Variants in SYCE3 observed in about 807,000 individuals in gnomAD.
SYCE3 encodes synaptonemal complex central element protein 3.
A neutral mutation model predicts 8.1 loss-of-function variants in SYCE3; 3 were observed. The ratio of observed to expected loss-of-function variants is 0.37; its 90% CI spans 0.17 to 0.96. The LOEUF (loss-of-function observed/expected upper bound fraction) is 0.96. Among genes scored for constraint, SYCE3 ranks in the 40% least tolerant of loss-of-function variants. SYCE3 has a pLI of 0.41. For synonymous variants in SYCE3, 36 were observed against 38.7 expected (o/e 0.93, Z 0.26); for missense variants, 83 against 110.0 (o/e 0.75, Z 1.10).
chr22:50,559,599 C>T (rs1253967400), intron 1 of SYCE3, among the ~76,000 whole-genome samples: 1 of 152,144 alleles, frequency 6.6e-6, no homozygotes, highest in Non-Finnish European at 1.5e-5. Flanking sequence ...TGCAAAACTC[C>T]AGGTAAGGAA....
intron 1 of SYCE3, among the ~76,000 whole-genome samples, chr22:50,559,851 C>A (rs1038423162): frequency 6.6e-6 from 1 of 152,124 alleles, no homozygotes; most frequent in African/African-American, 2.4e-5. Flanking sequence ...TCCCTTGAAC[C>A]CAGAAGGTGG....
intron 2 of SYCE3, among the ~76,000 whole-genome samples, chr22:50,552,698 CAT>C (rs1364614591): frequency 3.9e-5 from 6 of 152,276 alleles, no homozygotes; most frequent in African/African-American, 9.6e-5. Context: ...GCCTGGCACA[CAT>C]GTTATGGACT....
Position 50,556,295 on chromosome 22 carries a change from A to T in SYCE3, c.109+2T>A. On this transcript the variant is annotated splice_donor_variant, in intron 2 of 2. Coordinates refer to ENST00000406915, the MANE Select transcript of SYCE3 (RefSeq NM_001123225.3). LOFTEE classifies it high-confidence loss of function. ...AGATACTTTTGGGTTCACACATCCT[A>T]CCTGAGATTTTCTCCATCTCTTCTA... The T allele has an allele frequency of 6.5e-7, 1 of 1,547,688 alleles. No individual in the cohort carries two copies.
chr22:50,560,931 C>T (rs953441670), intron 1 of SYCE3, among the ~76,000 whole-genome samples: 4 of 152,160 alleles, frequency 2.6e-5, no homozygotes, highest in African/African-American at 9.7e-5. Flanking sequence ...TGAAAAGTTT[C>T]TTCTTGTAAC....
intron 2 of SYCE3, among the ~76,000 whole-genome samples, chr22:50,553,766 A>G (rs2069832306): frequency 6.6e-6 from 1 of 152,138 alleles, no homozygotes; most frequent in South Asian, 2.1e-4. Flanking sequence ...TATTTTTATT[A>G]GAGATGGAGT....
At chr22:50,555,266 G>A (rs560131701) in intron 2 of SYCE3, among the ~76,000 whole-genome samples, 2 of 152,272 alleles carry the variant, frequency 1.3e-5, no homozygotes, top group East Asian at 1.9e-4. Context: ...ACGTGTCTCA[G>A]CTATTCATAG....
chr22:50,551,427 C>A, intron 2 of SYCE3, 25 bp from the exon 3 acceptor site: 1 of 1,539,316 alleles, frequency 6.5e-7, no homozygotes, highest in Non-Finnish European at 8.8e-7. Context: ...CAGGACTGGT[C>A]AGGCCACAGG....
At chr22:50,552,328 C>T (rs752086248) in intron 2 of SYCE3, among the ~76,000 whole-genome samples, 6 of 152,174 alleles carry the variant, frequency 3.9e-5, no homozygotes, top group Non-Finnish European at 1.5e-5. Flanking sequence ...CCCCACCTGA[C>T]GACTCTGTGA....
rs781292666 is a variant in SYCE3 at position 50,551,333 on chromosome 22, C to T, written c.179G>A (p.Arg60His). Residue 60 changes from arginine (R) to histidine (H), a missense_variant, in exon 3 of 3, where the codon CGT becomes CAT. Coordinates refer to ENST00000406915, the MANE Select transcript of SYCE3 (RefSeq NM_001123225.3). ...GTTGACGAAGGCATCCTCCAGCCGA[C>T]GCATGGACTCGGCCAGCGTAGGGTT... ...RTNPTLAESM[R>H]RLEDAFVNCK... 1.1e-5 allele frequency: 17 copies of T among 1,551,186 alleles called. No individual in the cohort carries two copies. Among genetic ancestry groups the T allele is most frequent in the Admixed American group, 5.9e-5 (3 of 50,976 alleles).
intron 1 of SYCE3, among the ~76,000 whole-genome samples, chr22:50,561,304 G>C (rs974530214): frequency 2.0e-5 from 3 of 152,074 alleles, no homozygotes; most frequent in Admixed American, 2.0e-4. Context: ...GGCCGGAGTG[G>C]CACTGGATCT....
intron 2 of SYCE3, among the ~76,000 whole-genome samples, chr22:50,555,747 T>A (rs183803476): frequency 1.3e-3 from 202 of 151,274 alleles, no homozygotes; most frequent in African/African-American, 4.3e-3. Context: ...CCTGGAATCA[T>A]CCCCCTTTGA....
In SYCE3 at chr22:50,551,266, A is replaced by G; in HGVS notation, c.246T>C (p.His82=). The G allele has an allele frequency of 2.6e-6, 4 of 1,551,434 alleles. No homozygotes were observed. Among genetic ancestry groups the G allele is most frequent in the Admixed American group, 2.0e-5 (1 of 51,004 alleles). The change falls in exon 3 of 3, where the codon CAT becomes CAC. Residue 82 remains histidine (H), a synonymous_variant. Transcript: ENST00000406915. ...GGGCCTACAGCCTTTGCTTGGTCTC[A>G]TGCAGCAGCTCTTGCCAGTTCTTCT... The part of the protein sequence containing the change: ...EMEKNWQELL[H]ETKQRL
intron 2 of SYCE3, among the ~76,000 whole-genome samples, chr22:50,552,515 G>A (rs188766859): frequency 3.8e-4 from 58 of 152,224 alleles, no homozygotes; most frequent in Middle Eastern, 6.8e-3. Flanking sequence ...AAAATTAGCC[G>A]GGTGTGGTGG....
intron 1 of SYCE3, among the ~76,000 whole-genome samples, chr22:50,559,371 G>A (rs991375825): frequency 9.9e-5 from 15 of 152,094 alleles, no homozygotes; most frequent in African/African-American, 3.1e-4. Flanking sequence ...CAGGTGATCC[G>A]CCTGCTTCGG....
intron 2 of SYCE3, among the ~76,000 whole-genome samples, 198 bp from the exon 3 acceptor site, chr22:50,551,600 T>G (rs2069810295): frequency 6.6e-6 from 1 of 152,228 alleles, no homozygotes; most frequent in African/African-American, 2.4e-5. Context: ...ACATCCATAG[T>G]GACGCTTCCT....
chr22:50,553,740 G>A (rs10428040), intron 2 of SYCE3, among the ~76,000 whole-genome samples: 3,377 of 152,086 alleles, frequency 0.022, 143 homozygotes, highest in African/African-American at 0.077. Context: ...CCACCAACAC[G>A]CCCAGCTAAT....
chr22:50,559,718 A>G lies in SYCE3; in HGVS notation c.-1+3140T>C, dbSNP rs374315474. On this transcript the variant is annotated intron_variant, in intron 1 of 2. Coordinates refer to ENST00000406915, the MANE Select transcript of SYCE3 (RefSeq NM_001123225.3). Reference sequence around the variant, plus strand: ...GGCAGAGGCGGGGGATCACAAGGTCAGGAGTTCGAGACCCGCCTGGCCAAT... The same window carrying G: ...GGCAGAGGCGGGGGATCACAAGGTCGGGAGTTCGAGACCCGCCTGGCCAAT... Among the ~76,000 whole-genome samples, 69 of 152,240 alleles carry G rather than the reference A, an allele frequency of 4.5e-4. 1 individual carries two copies. The South Asian group carries it at 0.014, about 31-fold the overall frequency.
intron 2 of SYCE3, among the ~76,000 whole-genome samples, chr22:50,555,435 G>T (rs2069850762): frequency 6.6e-6 from 1 of 152,136 alleles, no homozygotes; most frequent in Non-Finnish European, 1.5e-5. Context: ...GGCCAAAGTT[G>T]GTTCAAGCCG....
chr22:50,551,376 T>C lies in SYCE3; in HGVS notation c.136A>G (p.Met46Val), dbSNP rs1250185545. 5.8e-6 allele frequency: 9 copies of C among 1,550,668 alleles called. No individual in the cohort carries two copies. The highest frequency in any genetic ancestry group is 3.6e-5 in the South Asian group (3 of 84,062). The change falls in exon 3 of 3, where the codon ATG (methionine) becomes GTG (valine). Residue 46 changes from methionine (M) to valine (V), a missense_variant. Transcript: ENST00000406915. ...SVQATWMAYD[M>V]VVMRTNPTLA... Reference sequence around the variant, plus strand: ...GTAGGGTTGGTGCGCATCACCACCATGTCATAGGCCATCCAGGTCGCCTGC... The same window carrying C: ...GTAGGGTTGGTGCGCATCACCACCACGTCATAGGCCATCCAGGTCGCCTGC...
Sources: allele counts gnomAD v4.1 joint callset (sites outside exome capture counted in the v4.1 genomes callset), GRCh38; gene constraint gnomAD v4.1.1; transcripts MANE v1.5; gene names NCBI Gene and HGNC (gene_info 2026-07-23, HGNC 2026-07-21).